Variants in PLEKHF2 observed in about 807,000 individuals in gnomAD.
PLEKHF2 encodes the protein pleckstrin homology and FYVE domain containing 2, also known as pleckstrin homology domain-containing family F member 2.
PLEKHF2 carries 4 observed loss-of-function variants against 14.7 expected under a neutral mutation model. That is an observed-to-expected ratio of 0.27 (90% CI 0.13 to 0.62). PLEKHF2 has a LOEUF of 0.62. Among genes scored for constraint, PLEKHF2 ranks in the 20% least tolerant of loss-of-function variants. The pLI is 0.85. For missense variants in PLEKHF2, 201 were observed against 307.7 expected, an observed-to-expected ratio of 0.65 and a Z score of 2.60; for synonymous variants, 90 against 103.5, an observed-to-expected ratio of 0.87 and a Z score of 0.79.
chr8:95,145,303 C>T (rs1810485629), intron 1 of PLEKHF2, among the ~76,000 whole-genome samples: 1 of 152,186 alleles, frequency 6.6e-6, no homozygotes, highest in African/African-American at 2.4e-5. Context: ...TTCTACAACA[C>T]ATACTGTGTA....
In PLEKHF2 at chr8:95,146,246, C is replaced by T. The variant is rs187806192; in HGVS notation, c.-14-7785C>T. Among the ~76,000 whole-genome samples the T allele has an allele frequency of 3.9e-5, 6 of 152,088 alleles. No homozygotes were observed. In the East Asian group the frequency reaches 9.7e-4, roughly 24 times the overall value. On this transcript the variant is annotated intron_variant, in intron 1 of 1. Transcript: ENST00000315367. Reference sequence around the variant, plus strand: ...AAAAGGTAAGTAATTTGTATGAAATCACTTATTTAGTGTCTGAACCAAGAT... The same window carrying T: ...AAAAGGTAAGTAATTTGTATGAAATTACTTATTTAGTGTCTGAACCAAGAT...
chr8:95,141,374 A>G (rs192431713), intron 1 of PLEKHF2, among the ~76,000 whole-genome samples: 186 of 152,276 alleles, frequency 1.2e-3, no homozygotes, highest in Middle Eastern at 6.8e-3. Context: ...CGTTGTTTCT[A>G]TAGTTATCTA....
intron 1 of PLEKHF2, among the ~76,000 whole-genome samples, chr8:95,148,607 T>A (rs1370681728): frequency 6.6e-6 from 1 of 152,100 alleles, no homozygotes; most frequent in Non-Finnish European, 1.5e-5. Context: ...ACAGCATTAA[T>A]GCAAGCTACC....
chr8:95,152,195 T>A (rs1810571455), intron 1 of PLEKHF2, among the ~76,000 whole-genome samples: 1 of 152,124 alleles, frequency 6.6e-6, no homozygotes, highest in Non-Finnish European at 1.5e-5. Flanking sequence ...GTTTTAGATC[T>A]GTCTTATTCT....
intron 1 of PLEKHF2, among the ~76,000 whole-genome samples, chr8:95,136,370 A>G (rs955936264): frequency 6.9e-6 from 1 of 145,394 alleles, no homozygotes. Context: ...ACACACACAC[A>G]CACATGTTTT....
chr8:95,146,391 T>G (rs944496476), intron 1 of PLEKHF2, among the ~76,000 whole-genome samples: 30 of 152,262 alleles, frequency 2.0e-4, no homozygotes, highest in African/African-American at 7.0e-4. Context: ...TTAGATTTGT[T>G]TTCATTTTAA....
At chr8:95,140,630 G>A (rs998309211) in intron 1 of PLEKHF2, among the ~76,000 whole-genome samples, 18 of 152,110 alleles carry the variant, frequency 1.2e-4, no homozygotes, top group African/African-American at 3.9e-4. Flanking sequence ...ATAGTCTTGT[G>A]TACCATCATC....
rs76146099 is a variant in PLEKHF2 at position 95,150,724 on chromosome 8, T to C, written c.-14-3307T>C. On this transcript the variant is annotated intron_variant, in intron 1 of 1. Coordinates refer to ENST00000315367, the MANE Select transcript of PLEKHF2 (RefSeq NM_024613.4). ...ATCCTTTCAGGTGATTTGTTCAAGGTAGTATTCCCTTATCTTCAGTATTTT... is the reference window on the plus strand; with the variant it reads ...ATCCTTTCAGGTGATTTGTTCAAGGCAGTATTCCCTTATCTTCAGTATTTT... Among the ~76,000 whole-genome samples, 579 of 152,248 alleles carry C rather than the reference T, an allele frequency of 3.8e-3. 3 individuals carry two copies. The highest frequency in any genetic ancestry group is 0.014 in the African/African-American group (561 of 41,554).
rs966755516 is a variant in PLEKHF2 at position 95,156,324 on chromosome 8, G to C, written c.*1530G>C. 1 of 166,836 alleles carries C rather than the reference G, an allele frequency of 6.0e-6. No homozygotes were observed. Among genetic ancestry groups the C allele is most frequent in the Non-Finnish European group, 1.5e-5 (1 of 68,072 alleles). The allele number at this position is 166,836 out of a possible 1,614,324, so 10.3% of individuals were successfully genotyped here. A position where few individuals can be genotyped will look rare whatever the true frequency, so the allele number is the denominator to read the frequency against. ...AGGATTCTTTGGTATCTTACTGTTTGGTTAAGGCACTAATTTTACTTACCT... is the reference window on the plus strand; with the variant it reads ...AGGATTCTTTGGTATCTTACTGTTTCGTTAAGGCACTAATTTTACTTACCT... On this transcript the variant is annotated 3_prime_UTR_variant, in exon 2 of 2. Coordinates refer to ENST00000315367, the MANE Select transcript of PLEKHF2 (RefSeq NM_024613.4).
intron 1 of PLEKHF2, among the ~76,000 whole-genome samples, chr8:95,144,552 G>A (rs1221306524): frequency 6.6e-6 from 1 of 152,064 alleles, no homozygotes; most frequent in African/African-American, 2.4e-5. Context: ...GAAGGTGAAG[G>A]TATAATGGAA....
chr8:95,135,423 A>G (rs191522567), intron 1 of PLEKHF2, among the ~76,000 whole-genome samples: 1 of 151,766 alleles, frequency 6.6e-6, no homozygotes, highest in East Asian at 1.9e-4. Flanking sequence ...TCCTTTTCCT[A>G]GACAGGGTCT....
intron 1 of PLEKHF2, among the ~76,000 whole-genome samples, chr8:95,136,030 A>G (rs1438319870): frequency 2.0e-5 from 3 of 152,106 alleles, no homozygotes; most frequent in East Asian, 3.8e-4. Flanking sequence ...CCAGAAATCA[A>G]TTAATTTCTC....
intron 1 of PLEKHF2, among the ~76,000 whole-genome samples, chr8:95,148,714 T>C (rs554134536): frequency 6.6e-6 from 1 of 152,246 alleles, no homozygotes; most frequent in South Asian, 2.1e-4. Flanking sequence ...TAAGGATATC[T>C]GAGGTCACAC....
At chr8:95,135,892 ATACT>A (rs963100757) in intron 1 of PLEKHF2, among the ~76,000 whole-genome samples, 2 of 152,152 alleles carry the variant, frequency 1.3e-5, no homozygotes, top group African/African-American at 4.8e-5. Context: ...TTCAGTATAA[ATACT>A]TATTTCCCAG....
chr8:95,136,401 T>C (rs1810377566), intron 1 of PLEKHF2, among the ~76,000 whole-genome samples: 1 of 151,526 alleles, frequency 6.6e-6, no homozygotes. Flanking sequence ...TGTTGAGAAT[T>C]TAACTTAGTA....
chr8:95,156,351 T>G lies in PLEKHF2; in HGVS notation c.*1557T>G, dbSNP rs540207489. 22 of 167,108 alleles carry G rather than the reference T, an allele frequency of 1.3e-4. No individual in the cohort carries two copies. The highest frequency in any genetic ancestry group is 5.1e-4 in the African/African-American group (21 of 41,580). 10.4% of individuals were successfully genotyped at this position (167,108 alleles called of 1,614,324 possible). ...TTAAGGCACTAATTTTACTTACCTA[T>G]TAGATTTTGAAAGTATCTGAGATAT... On this transcript the variant is annotated 3_prime_UTR_variant, in exon 2 of 2. Coordinates refer to ENST00000315367, the MANE Select transcript of PLEKHF2 (RefSeq NM_024613.4).
intron 1 of PLEKHF2, among the ~76,000 whole-genome samples, chr8:95,138,353 T>TCCCC (rs61519066): frequency 4.5e-4 from 32 of 71,878 alleles, no homozygotes; most frequent in African/African-American, 7.2e-4. Context: ...TTCTTCATCT[T>TCCCC]CCCCCCCCCC....
intron 1 of PLEKHF2, among the ~76,000 whole-genome samples, chr8:95,136,260 ATCT>A (rs1810374715): frequency 6.6e-6 from 1 of 151,920 alleles, no homozygotes; most frequent in South Asian, 2.1e-4. Context: ...TCATAGTTAA[ATCT>A]TCTTTGTAGT....
chr8:95,152,053 C>T (rs555798226), intron 1 of PLEKHF2, among the ~76,000 whole-genome samples: 1 of 152,024 alleles, frequency 6.6e-6, no homozygotes, highest in Non-Finnish European at 1.5e-5. Context: ...TTATGAGTTG[C>T]ACATAAATAT....
Sources: gnomAD v4.1 joint callset for allele counts (sites outside exome capture counted in the v4.1 genomes callset) on GRCh38, gnomAD v4.1.1 for gene constraint, MANE v1.5 for transcripts, NCBI Gene and HGNC (gene_info 2026-07-23, HGNC 2026-07-21) for gene names.